Variants in CACNG3 observed in about 807,000 individuals in gnomAD.
CACNG3 encodes the protein calcium voltage-gated channel auxiliary subunit gamma 3.
A neutral mutation model predicts 28.5 loss-of-function variants in CACNG3; 3 were observed. The observed-to-expected ratio is 0.11, with a 90% confidence interval of 0.05 to 0.27. The LOEUF (loss-of-function observed/expected upper bound fraction) is 0.27, where lower values mean the gene tolerates loss of function less well. Ranked by LOEUF, CACNG3 falls within the 10% of genes least tolerant of loss-of-function variation. The probability of loss-of-function intolerance (pLI) is 1.00; values close to 1 mark genes in which losing one functional copy is unlikely to be tolerated. For synonymous variants in CACNG3, 174 were observed against 162.2 expected, an observed-to-expected ratio of 1.07 and a Z score of -0.55; for missense variants, 236 against 414.4, an observed-to-expected ratio of 0.57 and a Z score of 3.74.
chr16:24,355,043 C>A (rs1303949592), intron 3 of CACNG3, 70 bp downstream of exon 3: 3 of 1,468,212 alleles, frequency 2.0e-6, no homozygotes, highest in Admixed American at 1.8e-5. Context: ...ATGGAGGAAG[C>A]AATGCTACTC....
intron 1 of CACNG3, among the ~76,000 whole-genome samples, chr16:24,339,661 C>T (rs945800223): frequency 1.1e-4 from 17 of 152,218 alleles, no homozygotes; most frequent in Non-Finnish European, 2.5e-4. Context: ...GCTAGAATTA[C>T]AGGCGTGAGC....
At chr16:24,335,035 C>G (rs1380858654) in intron 1 of CACNG3, among the ~76,000 whole-genome samples, 1 of 152,188 alleles carries the variant, frequency 6.6e-6, no homozygotes. Context: ...GTGCTTGGCA[C>G]TATGTTAGTG....
intron 1 of CACNG3, among the ~76,000 whole-genome samples, chr16:24,346,352 C>A (rs1012643498): frequency 6.6e-6 from 1 of 152,048 alleles, no homozygotes; most frequent in Admixed American, 6.5e-5. Context: ...AAGGGAGGAT[C>A]GCTTGTGGCC....
At chr16:24,265,673 G>T (rs182320889) in intron 1 of CACNG3, among the ~76,000 whole-genome samples, 2 of 152,156 alleles carry the variant, frequency 1.3e-5, no homozygotes, top group Non-Finnish European at 2.9e-5. Flanking sequence ...ATTTTAAAAT[G>T]GTTGAAAAAT....
At chr16:24,333,062 A>T in intron 1 of CACNG3, among the ~76,000 whole-genome samples, 1 of 152,236 alleles carries the variant, frequency 6.6e-6, no homozygotes, top group East Asian at 1.9e-4. Flanking sequence ...AGGAAAACTG[A>T]TGACAGGCTC....
At chr16:24,348,822 T>G (rs973212086) in intron 2 of CACNG3, among the ~76,000 whole-genome samples, 6 of 152,214 alleles carry the variant, frequency 3.9e-5, no homozygotes, top group Non-Finnish European at 7.3e-5. Context: ...TGATAAAACA[T>G]GTTGACGTTT....
At chr16:24,355,792 G>A (rs990476757) in intron 3 of CACNG3, among the ~76,000 whole-genome samples, 3 of 151,996 alleles carry the variant, frequency 2.0e-5, no homozygotes, top group Non-Finnish European at 2.9e-5. Context: ...AAGTCATCAC[G>A]AGAGTCCAGC....
At chr16:24,299,142 G>C (rs1899073697) in intron 1 of CACNG3, among the ~76,000 whole-genome samples, 1 of 152,034 alleles carries the variant, frequency 6.6e-6, no homozygotes, top group Non-Finnish European at 1.5e-5. Context: ...TTCCTTGAGG[G>C]GGCTGTGTTT....
intron 1 of CACNG3, among the ~76,000 whole-genome samples, chr16:24,319,029 T>C (rs1899422849): frequency 6.6e-6 from 1 of 152,232 alleles, no homozygotes; most frequent in Non-Finnish European, 1.5e-5. Flanking sequence ...TTGTGTTTAT[T>C]TTTACAGTGG....
intron 3 of CACNG3, among the ~76,000 whole-genome samples, chr16:24,358,968 G>A (rs980051419): frequency 6.6e-6 from 1 of 152,144 alleles, no homozygotes; most frequent in African/African-American, 2.4e-5. Context: ...CACATGGTAA[G>A]CGCCCTGTAA....
intron 1 of CACNG3, among the ~76,000 whole-genome samples, chr16:24,282,335 G>A (rs1319764098): frequency 1.3e-5 from 2 of 152,020 alleles, no homozygotes; most frequent in Non-Finnish European, 1.5e-5. Context: ...AGACTGAAGA[G>A]TCACACTGGG....
chr16:24,288,268 G>A (rs1567210883), intron 1 of CACNG3, among the ~76,000 whole-genome samples: 1 of 152,142 alleles, frequency 6.6e-6, no homozygotes, highest in South Asian at 2.1e-4. Context: ...CATCTTCTAT[G>A]AGTGGCACTA....
At chr16:24,330,699 T>C (rs1899620760) in intron 1 of CACNG3, among the ~76,000 whole-genome samples, 6 of 152,332 alleles carry the variant, frequency 3.9e-5, no homozygotes, top group Middle Eastern at 3.4e-3. Context: ...AAGAGAGATG[T>C]CACCAGTTAA....
intron 1 of CACNG3, among the ~76,000 whole-genome samples, chr16:24,310,303 C>T (rs1899243013): frequency 6.6e-6 from 1 of 152,196 alleles, no homozygotes; most frequent in Admixed American, 6.5e-5. Context: ...GTGGCTCACG[C>T]CTGTAATCCC....
At chr16:24,340,607 A>C (rs959608407) in intron 1 of CACNG3, among the ~76,000 whole-genome samples, 1 of 152,182 alleles carries the variant, frequency 6.6e-6, no homozygotes, top group Admixed American at 6.5e-5. Context: ...ACCCCTCCTC[A>C]TGTGAAGGAA....
chr16:24,327,195 C>T (rs1180062850), intron 1 of CACNG3, among the ~76,000 whole-genome samples: 1 of 135,460 alleles, frequency 7.4e-6, no homozygotes, highest in Non-Finnish European at 1.5e-5. Context: ...AAGACTTGGG[C>T]TCAGAGAGGC....
At chr16:24,258,779 G>A (rs150169623) in intron 1 of CACNG3, among the ~76,000 whole-genome samples, 1 of 152,282 alleles carries the variant, frequency 6.6e-6, no homozygotes, top group African/African-American at 2.4e-5. Flanking sequence ...GCCAAAAATG[G>A]CACATATGTA....
intron 1 of CACNG3, among the ~76,000 whole-genome samples, chr16:24,306,960 A>C (rs1171877086): frequency 6.6e-6 from 1 of 152,168 alleles, no homozygotes; most frequent in Non-Finnish European, 1.5e-5. Flanking sequence ...CAACTGATTC[A>C]CAGTTGAGTG....
intron 1 of CACNG3, among the ~76,000 whole-genome samples, chr16:24,283,932 A>G (rs2141352435): frequency 6.6e-6 from 1 of 152,320 alleles, no homozygotes; most frequent in South Asian, 2.1e-4. Context: ...TCTTTATCAT[A>G]CTATCAAGAT....
Sources: allele counts gnomAD v4.1 joint callset (sites outside exome capture counted in the v4.1 genomes callset), GRCh38; gene constraint gnomAD v4.1.1; transcripts MANE v1.5; gene names NCBI Gene and HGNC (gene_info 2026-07-23, HGNC 2026-07-21).